RIMS1: variants seen among roughly 807,000 people sequenced by gnomAD.
The protein encoded by RIMS1 is regulating synaptic membrane exocytosis protein 1.
Under a neutral mutation model 214.1 loss-of-function variants are expected in RIMS1, and 83 were observed. The ratio of observed to expected loss-of-function variants is 0.39; its 90% CI spans 0.32 to 0.47. The LOEUF is 0.47. Ranked by LOEUF, RIMS1 falls within the 20% of genes least tolerant of loss-of-function variation. The pLI, the probability that RIMS1 is intolerant of heterozygous loss-of-function variation, is 0.99. For synonymous variants in RIMS1, 793 were observed against 786.8 expected, an observed-to-expected ratio of 1.01 and a Z score of -0.13; for missense variants, 2,050 against 2,161.8, an observed-to-expected ratio of 0.95 and a Z score of 1.03.
intron 1 of RIMS1, 43 bp downstream of exon 1, chr6:71,887,230 A>C: frequency 1.3e-6 from 2 of 1,574,324 alleles, no homozygotes; most frequent in Non-Finnish European, 1.7e-6. Flanking sequence ...CCGTGCCTCC[A>C]TCCGTCCATT....
chr6:72,051,889 A>T (rs561457710), intron 2 of RIMS1, among the ~76,000 whole-genome samples: 2 of 152,252 alleles, frequency 1.3e-5, no homozygotes, highest in South Asian at 4.1e-4. Flanking sequence ...AGTACACCCA[A>T]GCATAATCAG....
intron 22 of RIMS1, among the ~76,000 whole-genome samples, chr6:72,266,474 A>G (rs1194426034): frequency 1.3e-5 from 2 of 151,978 alleles, no homozygotes; most frequent in African/African-American, 2.4e-5. Context: ...TCTTCTATAA[A>G]CTCATAACAG....
At chr6:72,367,021 A>G (rs768546646) in intron 29 of RIMS1, among the ~76,000 whole-genome samples, 1 of 152,226 alleles carries the variant, frequency 6.6e-6, no homozygotes, top group Admixed American at 6.5e-5. Flanking sequence ...TATACTTCAG[A>G]TTGCAAATAA....
chr6:71,901,487 A>G (rs191376345), intron 1 of RIMS1, among the ~76,000 whole-genome samples: 1 of 152,230 alleles, frequency 6.6e-6, no homozygotes, highest in East Asian at 1.9e-4. Context: ...CAAAAACATT[A>G]TGGTAGATAG....
chr6:71,998,414 A>G (rs982917928), intron 2 of RIMS1, among the ~76,000 whole-genome samples: 2 of 151,950 alleles, frequency 1.3e-5, no homozygotes, highest in Non-Finnish European at 2.9e-5. Context: ...CTGTGCTATT[A>G]TTCCTTATGT....
rs535180583 is a variant in RIMS1, at chr6:72,258,485, G to C, written c.2927+204G>C. Among the ~76,000 whole-genome samples, 206 of 152,260 alleles carry C rather than the reference G, an allele frequency of 1.4e-3. 2 individuals are homozygous for C. Among genetic ancestry groups the C allele is most frequent in the African/African-American group, 4.5e-3 (186 of 41,550 alleles). On this transcript the variant is annotated intron_variant, in intron 17 of 33. Coordinates refer to ENST00000521978, the MANE Select transcript of RIMS1 (RefSeq NM_014989.7). ...ATCTGAAGAAATTTCCCAGGGAGCAGAAGTTGTTTATGTCCCAGGAATAGT... is the reference window on the plus strand; with the variant it reads ...ATCTGAAGAAATTTCCCAGGGAGCACAAGTTGTTTATGTCCCAGGAATAGT...
chr6:72,290,972 T>TA (rs2093305690), intron 25 of RIMS1, 111 bp downstream of exon 25: 1 of 913,282 alleles, frequency 1.1e-6, no homozygotes, highest in Non-Finnish European at 1.7e-6. Flanking sequence ...CCATAACTTT[T>TA]AATCCTTTCT....
chr6:72,376,056 T>C (rs1432478330), intron 29 of RIMS1, among the ~76,000 whole-genome samples: 1 of 152,200 alleles, frequency 6.6e-6, no homozygotes. Context: ...ACTATATGAT[T>C]TCCAATAAGT....
chr6:72,000,108 A>G (rs2151714903), intron 2 of RIMS1, among the ~76,000 whole-genome samples: 1 of 152,266 alleles, frequency 6.6e-6, no homozygotes, highest in South Asian at 2.1e-4. Context: ...GAAAAAAAAC[A>G]GTGTAAACTT....
At chr6:72,044,297 T>C (rs1822336029) in intron 2 of RIMS1, among the ~76,000 whole-genome samples, 1 of 151,694 alleles carries the variant, frequency 6.6e-6, no homozygotes, top group Non-Finnish European at 1.5e-5. Flanking sequence ...AAATAAAACA[T>C]CAGAGAAAAT....
intron 1 of RIMS1, among the ~76,000 whole-genome samples, chr6:71,922,399 G>T (rs1582699400): frequency 6.6e-6 from 1 of 152,180 alleles, no homozygotes; most frequent in East Asian, 1.9e-4. Context: ...TCATATAAAT[G>T]CACTCATGCC....
At chr6:72,279,511 G>A (rs973577623) in intron 23 of RIMS1, among the ~76,000 whole-genome samples, 11 of 152,042 alleles carry the variant, frequency 7.2e-5, no homozygotes, top group African/African-American at 2.6e-4. Flanking sequence ...AAAAACTCAA[G>A]ATTTCTGATT....
At chr6:72,186,163 A>G (rs2049064957) in intron 6 of RIMS1, among the ~76,000 whole-genome samples, 2 of 152,242 alleles carry the variant, frequency 1.3e-5, no homozygotes, top group Admixed American at 1.3e-4. Context: ...AGTTATACTC[A>G]GATTTCTGAC....
At position 72,400,919 on chromosome 6, in the gene RIMS1, G is replaced by C. The variant is rs1191137602; in HGVS notation, c.*205G>C. ...AGGCAATCTATCAAATTTACAGGAA[G>C]AATCAACATGCTGGTGAGAGTCACT... On this transcript the variant is annotated 3_prime_UTR_variant, in exon 34 of 34. Coordinates refer to ENST00000521978, the MANE Select transcript of RIMS1 (RefSeq NM_014989.7). 1.9e-6 allele frequency: 1 copy of C among 533,962 alleles called. No individual in the cohort carries two copies. Among genetic ancestry groups the C allele is most frequent in the Non-Finnish European group, 3.3e-6 (1 of 300,754 alleles). 33.1% of individuals were successfully genotyped at this position (533,962 alleles called of 1,614,324 possible).
rs549878053 is a variant in RIMS1 at position 72,184,832 on chromosome 6, A to C, written c.1678+1683A>C. Among the ~76,000 whole-genome samples, 4 of 152,204 alleles carry C rather than the reference A, an allele frequency of 2.6e-5. No individual in the cohort carries two copies. In the South Asian group the frequency reaches 8.3e-4, roughly 32 times the overall value. The stretch of plus-strand genomic sequence containing the variant: ...AGAAGCAAGCACTAGTATTTAAGGC[A>C]GGAAGGGTTAGGCTAGCTCTACTGT... On this transcript the variant is annotated intron_variant, in intron 6 of 33. Transcript: ENST00000521978.
At chr6:72,356,769 A>G (rs2097660954) in intron 29 of RIMS1, among the ~76,000 whole-genome samples, 1 of 152,038 alleles carries the variant, frequency 6.6e-6, no homozygotes, top group Non-Finnish European at 1.5e-5. Flanking sequence ...TCAAAAAATA[A>G]TAATAATAAA....
chr6:72,179,036 AT>A (rs2153966683), intron 4 of RIMS1, among the ~76,000 whole-genome samples: 1 of 152,298 alleles, frequency 6.6e-6, no homozygotes, highest in South Asian at 2.1e-4. Context: ...AAATATACAC[AT>A]TGACCTTTTT....
At chr6:72,149,012 C>T (rs145234543) in intron 4 of RIMS1, among the ~76,000 whole-genome samples, 427 of 152,052 alleles carry the variant, frequency 2.8e-3, no homozygotes, top group Non-Finnish European at 4.9e-3. Flanking sequence ...AAATCTGCCA[C>T]GTAGAAAAGC....
At chr6:71,919,886 A>G (rs184441548) in intron 1 of RIMS1, among the ~76,000 whole-genome samples, 15 of 152,352 alleles carry the variant, frequency 9.8e-5, no homozygotes, top group African/African-American at 3.4e-4. Context: ...TTTGCAATTG[A>G]TGGATGATAG....
Sources: allele counts gnomAD v4.1 joint callset (sites outside exome capture counted in the v4.1 genomes callset), GRCh38; gene constraint gnomAD v4.1.1; transcripts MANE v1.5; gene names NCBI Gene and HGNC (gene_info 2026-07-23, HGNC 2026-07-21).